HACD3: variants seen among roughly 807,000 people sequenced by gnomAD.
HACD3 encodes 3-hydroxyacyl-CoA dehydratase 3.
A neutral mutation model predicts 55.2 loss-of-function variants in HACD3; 30 were observed. The ratio of observed to expected loss-of-function variants is 0.54; its 90% confidence interval spans 0.41 to 0.74. The LOEUF is 0.74. HACD3 is among the 30% of genes least tolerant of loss of function. The pLI is 0.00. For missense variants in HACD3, 363 were observed against 440.1 expected (o/e 0.82, Z 1.57); for synonymous variants, 141 against 151.7 (o/e 0.93, Z 0.52).
intron 7 of HACD3, chr15:65,565,069 C>T (rs2072278397): frequency 2.0e-5 from 3 of 152,230 alleles, no homozygotes; most frequent in Admixed American, 2.0e-4. Flanking sequence ...GGCGGTCAAA[C>T]TTTAAAGCTC....
chr15:65,531,684 G>T (rs1255098059), intron 1 of HACD3, among the ~76,000 whole-genome samples: 1 of 152,042 alleles, frequency 6.6e-6, no homozygotes, highest in Non-Finnish European at 1.5e-5. Flanking sequence ...TCCTGCCTCA[G>T]CCTCCCGAGT....
intron 5 of HACD3, among the ~76,000 whole-genome samples, chr15:65,560,680 T>C (rs966032618): frequency 2.6e-5 from 4 of 151,996 alleles, no homozygotes; most frequent in Non-Finnish European, 4.4e-5. Context: ...GGCACAGACC[T>C]GTAGAACTAA....
chr15:65,550,606 G>A (rs2072122561), intron 1 of HACD3, among the ~76,000 whole-genome samples: 1 of 152,188 alleles, frequency 6.6e-6, no homozygotes, highest in Non-Finnish European at 1.5e-5. Flanking sequence ...ATAATTATTT[G>A]TTAATCTGTT....
At chr15:65,544,002 T>C (rs1291642388) in intron 1 of HACD3, among the ~76,000 whole-genome samples, 2 of 151,890 alleles carry the variant, frequency 1.3e-5, no homozygotes, top group Non-Finnish European at 2.9e-5. Flanking sequence ...TGGTGAAACC[T>C]CGTCTCTACT....
At chr15:65,548,928 T>C (rs904205514) in intron 1 of HACD3, among the ~76,000 whole-genome samples, 1 of 152,128 alleles carries the variant, frequency 6.6e-6, no homozygotes, top group African/African-American at 2.4e-5. Context: ...TTGCTATGTA[T>C]GTTCCCCTAG....
intron 1 of HACD3, among the ~76,000 whole-genome samples, chr15:65,550,631 C>T (rs921797138): frequency 1.3e-5 from 2 of 152,176 alleles, no homozygotes; most frequent in African/African-American, 4.8e-5. Flanking sequence ...CATAACAAAT[C>T]ACCCAATATG....
intron 2 of HACD3, 183 bp downstream of exon 2, chr15:65,551,901 A>C: frequency 1.6e-6 from 1 of 607,468 alleles, no homozygotes; most frequent in Non-Finnish European, 2.7e-6. Flanking sequence ...GAATTGGTTT[A>C]AAATCCTGTT....
chr15:65,546,183 C>T (rs2072075368), intron 1 of HACD3, among the ~76,000 whole-genome samples: 1 of 152,004 alleles, frequency 6.6e-6, no homozygotes, highest in Middle Eastern at 3.2e-3. Context: ...ATAGCTGAGC[C>T]CCAGTCAACC....
chr15:65,547,314 A>C (rs565157432), intron 1 of HACD3, among the ~76,000 whole-genome samples: 9 of 152,210 alleles, frequency 5.9e-5, no homozygotes, highest in Admixed American at 5.9e-4. Flanking sequence ...ACAGGGTTTC[A>C]CCATATTGGT....
chr15:65,555,144 A>G (rs1407946344), intron 3 of HACD3, among the ~76,000 whole-genome samples, 184 bp downstream of exon 3: 1 of 152,214 alleles, frequency 6.6e-6, no homozygotes, highest in Non-Finnish European at 1.5e-5. Flanking sequence ...AGAGACCCCA[A>G]GTTGAGTCAG....
chr15:65,553,765 C>T (rs1043820911), intron 2 of HACD3, among the ~76,000 whole-genome samples: 1 of 152,154 alleles, frequency 6.6e-6, no homozygotes, highest in Non-Finnish European at 1.5e-5. Flanking sequence ...GAATATTAGG[C>T]AGGTTATTAG....
rs534686856 is a variant in HACD3, at chr15:65,558,469, CA to C, written c.370-209del. On this transcript the variant is annotated intron_variant, in intron 4 of 10. Coordinates refer to ENST00000261875, the MANE Select transcript of HACD3 (RefSeq NM_016395.4). ...CAGCTCACTGGGTTAATTTTGTGAA[CA>C]ATGGATGGGCACCTGTGATGCTAAT... Among the ~76,000 whole-genome samples, 518 of 152,250 alleles carry C rather than the reference CA, an allele frequency of 3.4e-3. 2 individuals are homozygous for C. The highest frequency in any genetic ancestry group is 0.012 in the African/African-American group (488 of 41,534).
Position 65,530,738 on chromosome 15 carries a change from G to GCGGGAAGCGCGCGGGATCGCGGCTC in HACD3, c.87+25_87+49dup. On this transcript the variant is annotated intron_variant, in intron 1 of 10. Coordinates refer to ENST00000261875, the MANE Select transcript of HACD3 (RefSeq NM_016395.4). ...GTACAGGTAAAGGCCGGGTCGGGCG[G>GCGGGAAGCGCGCGGGATCGCGGCTC]CGGGAAGCGCGCGGGATCGCGGCTC... The GCGGGAAGCGCGCGGGATCGCGGCTC allele has an allele frequency of 6.5e-7, 1 of 1,532,420 alleles. No homozygotes were observed. Among genetic ancestry groups the GCGGGAAGCGCGCGGGATCGCGGCTC allele is most frequent in the Non-Finnish European group, 8.8e-7 (1 of 1,137,022 alleles). The allele number at this position is 1,532,420 out of a possible 1,614,324, so 94.9% of individuals were successfully genotyped here. A position where few individuals can be genotyped will look rare whatever the true frequency, so the allele number is the denominator to read the frequency against.
intron 2 of HACD3, chr15:65,553,089 G>A (rs969684654): frequency 6.6e-6 from 1 of 152,118 alleles, no homozygotes; most frequent in African/African-American, 2.4e-5. Context: ...ATAAAAATAT[G>A]GAACGCTTCA....
In HACD3 at chr15:65,556,821, A is replaced by G. The variant is rs1462576509; in HGVS notation, c.287A>G (p.Gln96Arg). 2 of 1,612,800 alleles carry G rather than the reference A, an allele frequency of 1.2e-6. No individual in the cohort carries two copies. Among genetic ancestry groups the G allele is most frequent in the African/African-American group, 1.3e-5 (1 of 75,026 alleles). ...VSQWWERLTKQEKRPLFLAPD... is the reference protein window; with the variant it reads ...VSQWWERLTKREKRPLFLAPD... Reference sequence around the variant, plus strand: ...CAGTGGTGGGAGAGACTCACAAAGCAGGAAAAGCGACCACTGTTTTTGGCT... The same window carrying G: ...CAGTGGTGGGAGAGACTCACAAAGCGGGAAAAGCGACCACTGTTTTTGGCT... Residue 96 changes from glutamine to arginine, a missense_variant, in exon 4 of 11, where the codon CAG (glutamine) becomes CGG (arginine). By Grantham distance (43) the Gln-to-Arg change is conservative. Transcript: ENST00000261875.
In HACD3 at chr15:65,556,430, G is replaced by A. The variant is rs548464758; in HGVS notation, c.205-309G>A. Among the ~76,000 whole-genome samples, 11 of 152,190 alleles carry A rather than the reference G, an allele frequency of 7.2e-5. No individual in the cohort carries two copies. The South Asian group carries it at 2.3e-3, about 32-fold the overall frequency. ...ATCTTGTGCCAATGCTGATCTGACA[G>A]GAGGCAGGGCTTAGGCAGTAATGCA... On this transcript the variant is annotated intron_variant, in intron 3 of 10. Transcript: ENST00000261875.
chr15:65,537,707 C>T (rs2071968226), intron 1 of HACD3, among the ~76,000 whole-genome samples: 2 of 138,420 alleles, frequency 1.4e-5, no homozygotes, highest in African/African-American at 5.4e-5. Flanking sequence ...GCAGGAGAAT[C>T]GCTTGGATCT....
At chr15:65,544,134 G>A (rs2072049588) in intron 1 of HACD3, among the ~76,000 whole-genome samples, 1 of 152,042 alleles carries the variant, frequency 6.6e-6, no homozygotes, top group African/African-American at 2.4e-5. Flanking sequence ...CCGAGATTAC[G>A]CCACTGCACT....
Position 65,556,727 on chromosome 15 carries a change from T to C in HACD3, c.205-12T>C. The C allele has an allele frequency of 6.3e-7, 1 of 1,586,844 alleles. No homozygotes were observed. The highest frequency in any genetic ancestry group is 8.6e-7 in the Non-Finnish European group (1 of 1,159,866). ...GAAGAGGGCATTCTCACATTTTCAC[T>C]TTCTCTCCTAGCCTGTTTACAAACT... On this transcript the variant is annotated splice_polypyrimidine_tract_variant and intron_variant, in intron 3 of 10. Coordinates refer to ENST00000261875, the MANE Select transcript of HACD3 (RefSeq NM_016395.4).
Sources: gnomAD v4.1 joint callset for allele counts (sites outside exome capture counted in the v4.1 genomes callset) on GRCh38, gnomAD v4.1.1 for gene constraint, MANE v1.5 for transcripts, NCBI Gene and HGNC (gene_info 2026-07-23, HGNC 2026-07-21) for gene names.